Variants in RFTN2 observed in about 807,000 individuals in gnomAD.
RFTN2 encodes raftlin-2.
RFTN2 carries 34 observed loss-of-function variants against 52.7 expected under a neutral mutation model. That is an observed-to-expected ratio of 0.64 (90% CI 0.49 to 0.86). The LOEUF (loss-of-function observed/expected upper bound fraction) is 0.86, where lower values mean the gene tolerates loss of function less well. Among genes scored for constraint, RFTN2 ranks in the 40% least tolerant of loss-of-function variants. The probability of loss-of-function intolerance (pLI) is 0.00; values close to 1 mark genes in which losing one functional copy is unlikely to be tolerated. For missense variants in RFTN2, 536 were observed against 600.1 expected, an observed-to-expected ratio of 0.89 and a Z score of 1.12; for synonymous variants, 203 against 217.7, an observed-to-expected ratio of 0.93 and a Z score of 0.59.
At chr2:197,601,527 C>G (rs939493818) in intron 7 of RFTN2, among the ~76,000 whole-genome samples, 1 of 151,954 alleles carries the variant, frequency 6.6e-6, no homozygotes, top group Non-Finnish European at 1.5e-5. Flanking sequence ...TGGGTCTCCT[C>G]TAGTTCCCAC....
chr2:197,644,769 G>A (rs2106250237), intron 2 of RFTN2, among the ~76,000 whole-genome samples: 1 of 152,210 alleles, frequency 6.6e-6, no homozygotes, highest in African/African-American at 2.4e-5. Flanking sequence ...TAGGACATAA[G>A]CAATCCTACT....
At chr2:197,598,961 T>C (rs552103107) in intron 7 of RFTN2, among the ~76,000 whole-genome samples, 39 of 151,382 alleles carry the variant, frequency 2.6e-4, no homozygotes, top group African/African-American at 8.2e-4. Flanking sequence ...TCTTCTTCTT[T>C]TTTTTTTTTT....
chr2:197,635,998 C>A (rs2088559634), intron 3 of RFTN2, among the ~76,000 whole-genome samples: 1 of 139,668 alleles, frequency 7.2e-6, no homozygotes, highest in Admixed American at 7.2e-5. Flanking sequence ...ATAGGGAATC[C>A]TTTCCCCATT....
intron 7 of RFTN2, among the ~76,000 whole-genome samples, chr2:197,599,984 A>G (rs1208060254): frequency 6.6e-6 from 1 of 151,932 alleles, no homozygotes; most frequent in Non-Finnish European, 1.5e-5. Flanking sequence ...TCATCGTCCC[A>G]AGTAGCTGGG....
intron 1 of RFTN2, among the ~76,000 whole-genome samples, chr2:197,663,589 T>G (rs890454356): frequency 1.3e-4 from 20 of 152,246 alleles, no homozygotes; most frequent in African/African-American, 4.8e-4. Flanking sequence ...ATCTATTTCC[T>G]CTAGGTTTTA....
rs2087971680 is a variant in RFTN2, at chr2:197,606,980, G to A, written c.1154+8896C>T. ...TTTGACTCAGCAATCCCATTACTGG[G>A]TATATACCCAAAGGATTATAAATCA... On this transcript the variant is annotated intron_variant, in intron 7 of 8. Transcript: ENST00000295049. Among the ~76,000 whole-genome samples the A allele has an allele frequency of 2.0e-5, 3 of 152,164 alleles. No homozygotes were observed. In the South Asian group the frequency reaches 6.2e-4, roughly 32 times the overall value.
intron 6 of RFTN2, 131 bp downstream of exon 6, chr2:197,617,669 A>C (rs2088167351): frequency 3.6e-5 from 8 of 224,772 alleles, no homozygotes; most frequent in Non-Finnish European, 6.2e-5. Flanking sequence ...TAACAGAGTA[A>C]GGCCCTGACT....
chr2:197,596,985 A>G (rs1200933449), intron 7 of RFTN2, among the ~76,000 whole-genome samples: 1 of 152,136 alleles, frequency 6.6e-6, no homozygotes, highest in Non-Finnish European at 1.5e-5. Flanking sequence ...GTCTGTAGCT[A>G]ATGTTGCTCA....
intron 8 of RFTN2, among the ~76,000 whole-genome samples, chr2:197,585,953 G>A (rs977648571): frequency 1.3e-5 from 2 of 152,050 alleles, no homozygotes; most frequent in East Asian, 3.9e-4. Flanking sequence ...GCTCCTTTTT[G>A]TATCTCTCAG....
intron 1 of RFTN2, among the ~76,000 whole-genome samples, chr2:197,657,064 T>C (rs2088904867): frequency 6.6e-6 from 1 of 152,022 alleles, no homozygotes; most frequent in African/African-American, 2.4e-5. Flanking sequence ...GGGGTCTTGC[T>C]ATTTGGCCAG....
At chr2:197,642,437 A>C (rs1483419252) in intron 3 of RFTN2, among the ~76,000 whole-genome samples, 1 of 152,202 alleles carries the variant, frequency 6.6e-6, no homozygotes, top group East Asian at 1.9e-4. Context: ...ACAACATTTA[A>C]CTTTTCATTT....
chr2:197,654,256 C>T (rs2088863447), intron 1 of RFTN2, among the ~76,000 whole-genome samples: 2 of 152,080 alleles, frequency 1.3e-5, no homozygotes. Context: ...CGTGATTGCA[C>T]ATGCCTGTAA....
At chr2:197,634,087 T>A (rs2088516025) in intron 3 of RFTN2, 90 bp from the exon 4 acceptor site, 3 of 1,122,674 alleles carry the variant, frequency 2.7e-6, no homozygotes, top group East Asian at 4.9e-5. Context: ...ATTGAGGAAA[T>A]CCACTAGAAG....
chr2:197,639,433 T>A (rs1233694495), intron 3 of RFTN2, among the ~76,000 whole-genome samples: 1 of 151,098 alleles, frequency 6.6e-6, no homozygotes, highest in African/African-American at 2.4e-5. Context: ...GAGGCTTTGC[T>A]CATTTCTTTT....
intron 3 of RFTN2, among the ~76,000 whole-genome samples, chr2:197,641,433 T>C (rs1332490720): frequency 2.0e-4 from 30 of 152,208 alleles, no homozygotes; most frequent in Admixed American, 1.9e-3. Flanking sequence ...GATAGAGATA[T>C]GGCATATTCT....
chr2:197,585,705 G>C (rs1188765843), intron 8 of RFTN2, among the ~76,000 whole-genome samples: 1 of 151,942 alleles, frequency 6.6e-6, no homozygotes, highest in African/African-American at 2.4e-5. Flanking sequence ...CTTACATACA[G>C]ACTGGGCAAC....
At chr2:197,603,213 TAAA>T (rs570043128) in intron 7 of RFTN2, among the ~76,000 whole-genome samples, 2 of 152,214 alleles carry the variant, frequency 1.3e-5, no homozygotes, top group East Asian at 1.9e-4. Context: ...AGTATAATAA[TAAA>T]AAAAGTCTCA....
At chr2:197,624,325 C>T (rs780592311) in intron 5 of RFTN2, among the ~76,000 whole-genome samples, 1 of 151,978 alleles carries the variant, frequency 6.6e-6, no homozygotes, top group Non-Finnish European at 1.5e-5. Flanking sequence ...GCTGGCGTGG[C>T]GCGGTGACTC....
At chr2:197,583,187 A>T (rs1005486262) in intron 8 of RFTN2, among the ~76,000 whole-genome samples, 1 of 151,326 alleles carries the variant, frequency 6.6e-6, no homozygotes, top group Non-Finnish European at 1.5e-5. Flanking sequence ...CTATTCTACT[A>T]CCCCTCAGGG....
Sources: allele counts gnomAD v4.1 joint callset (sites outside exome capture counted in the v4.1 genomes callset), GRCh38; gene constraint gnomAD v4.1.1; transcripts MANE v1.5; gene names NCBI Gene and HGNC (gene_info 2026-07-23, HGNC 2026-07-21).